ZNF423: variants seen among roughly 807,000 people sequenced by gnomAD.
ZNF423 encodes the protein Ebf-associated zinc finger protein.
ZNF423 carries 12 observed loss-of-function variants against 95.8 expected under a neutral mutation model. That is an observed-to-expected ratio of 0.13 (90% CI 0.08 to 0.20). ZNF423 has a LOEUF of 0.20. ZNF423 is among the 10% of genes least tolerant of loss of function. ZNF423 has a pLI of 1.00. For synonymous variants in ZNF423, 749 were observed against 711.9 expected (o/e 1.05, Z -0.83); for missense variants, 1,316 against 1,737.1 (o/e 0.76, Z 4.31).
chr16:49,722,255 C>T (rs996154510), intron 3 of ZNF423, among the ~76,000 whole-genome samples: 11 of 152,256 alleles, frequency 7.2e-5, no homozygotes, highest in East Asian at 1.9e-4. Flanking sequence ...CCAGGCTGGC[C>T]GGTGGTCCAC....
Position 49,703,566 on chromosome 16 carries a change from C to T in ZNF423, c.301+27205G>A, listed in dbSNP as rs560256213. On this transcript the variant is annotated intron_variant, in intron 3 of 7. Transcript: ENST00000563137. ...AAATTACATTTCAATGGACAAATGG[C>T]TCTTCCTAGAGAAGGGTGCAAGATT... Among the ~76,000 whole-genome samples the T allele has an allele frequency of 3.3e-5, 5 of 152,374 alleles. No homozygotes were observed. In the South Asian group the frequency reaches 1.0e-3, roughly 32 times the overall value.
At chr16:49,857,679 T>A (rs2035385823), upstream of ZNF423, 1 of 152,262 alleles carries the variant, frequency 6.6e-6, no homozygotes, top group Admixed American at 6.5e-5. The surrounding 1 kb of genome is among the most constrained non-coding windows in gnomAD (Gnocchi z 6.2). Flanking sequence ...TACACCCTTA[T>A]TTGTAGAATT....
At chr16:49,833,457 C>A (rs1301816881) in intron 1 of ZNF423, among the ~76,000 whole-genome samples, 1 of 152,190 alleles carries the variant, frequency 6.6e-6, no homozygotes, top group Non-Finnish European at 1.5e-5. Context: ...AATTCACTTG[C>A]CAATGTTTAT....
chr16:49,695,443 G>A (rs748954391), intron 3 of ZNF423, among the ~76,000 whole-genome samples: 20 of 152,206 alleles, frequency 1.3e-4, no homozygotes, highest in Non-Finnish European at 2.6e-4. Context: ...ATAGGCATGC[G>A]CCACCAAGCC....
chr16:49,658,124 A>G (rs1432281993), intron 3 of ZNF423, among the ~76,000 whole-genome samples: 3 of 152,194 alleles, frequency 2.0e-5, no homozygotes, highest in Non-Finnish European at 4.4e-5. Context: ...TGCATGAACC[A>G]CCAGAAACTG....
chr16:49,581,172 T>A (rs1970662994), intron 5 of ZNF423, among the ~76,000 whole-genome samples: 1 of 152,162 alleles, frequency 6.6e-6, no homozygotes, highest in Non-Finnish European at 1.5e-5. Context: ...GTGGGCTTAC[T>A]CATTACTCTA....
chr16:49,500,624 A>C (rs915786797), intron 7 of ZNF423, among the ~76,000 whole-genome samples: 1 of 152,146 alleles, frequency 6.6e-6, no homozygotes, highest in East Asian at 1.9e-4. Context: ...CTCCATAAAA[A>C]ATGGCACTGG....
intron 5 of ZNF423, among the ~76,000 whole-genome samples, chr16:49,617,235 C>T (rs1013474503): frequency 4.6e-5 from 7 of 152,160 alleles, no homozygotes; most frequent in African/African-American, 1.7e-4. Flanking sequence ...TTTCTCCCCG[C>T]TGGGCCCCAA....
intron 2 of ZNF423, among the ~76,000 whole-genome samples, chr16:49,781,979 G>A (rs1174511852): frequency 1.3e-5 from 2 of 152,258 alleles, no homozygotes; most frequent in Non-Finnish European, 2.9e-5. Flanking sequence ...AGATGTGGAA[G>A]GAGGGCTGGG....
chr16:49,725,842 C>T (rs1246682787), intron 3 of ZNF423, among the ~76,000 whole-genome samples: 1 of 152,194 alleles, frequency 6.6e-6, no homozygotes, highest in Non-Finnish European at 1.5e-5. Context: ...AGCACGCACC[C>T]CATCTGCTTC....
chr16:49,502,002 A>G (rs1390989654), intron 7 of ZNF423, among the ~76,000 whole-genome samples: 2 of 152,190 alleles, frequency 1.3e-5, no homozygotes, highest in African/African-American at 4.8e-5. Flanking sequence ...CATGTAATTA[A>G]CCTGCACATG....
At chr16:49,689,328 C>T (rs922654089) in intron 3 of ZNF423, among the ~76,000 whole-genome samples, 8 of 150,694 alleles carry the variant, frequency 5.3e-5, no homozygotes, top group African/African-American at 2.0e-4. Context: ...CGTGGTGGTG[C>T]GTGCCTGTGG....
At chr16:49,495,208 G>A (rs1211490188) in intron 7 of ZNF423, among the ~76,000 whole-genome samples, 1 of 152,200 alleles carries the variant, frequency 6.6e-6, no homozygotes, top group Non-Finnish European at 1.5e-5. Flanking sequence ...GCAATGGTTT[G>A]CAGCCTCAAT....
At chr16:49,624,764 G>T (rs906753753) in intron 5 of ZNF423, among the ~76,000 whole-genome samples, 1 of 152,200 alleles carries the variant, frequency 6.6e-6, no homozygotes, top group African/African-American at 2.4e-5. Context: ...TAGAAACTGT[G>T]ATTCCATTTC....
intron 3 of ZNF423, among the ~76,000 whole-genome samples, chr16:49,692,519 T>G (rs980620020): frequency 2.6e-5 from 4 of 152,154 alleles, no homozygotes; most frequent in Admixed American, 2.6e-4. Flanking sequence ...CCTTAACCCA[T>G]GCCTGACCCC....
intron 7 of ZNF423, among the ~76,000 whole-genome samples, chr16:49,500,001 C>T (rs772673996): frequency 6.6e-6 from 1 of 152,094 alleles, no homozygotes; most frequent in Admixed American, 6.5e-5. Context: ...AAATGGGCCC[C>T]GTCAGTCTGT....
rs1971431932 is a variant in ZNF423, at chr16:49,603,205, C to A, written c.3601+22965G>T. Among the ~76,000 whole-genome samples the A allele has an allele frequency of 6.6e-6, 1 of 152,144 alleles. No homozygotes were observed. Among genetic ancestry groups the A allele is most frequent in the South Asian group, 2.1e-4 (1 of 4,826 alleles). ...TCTCTGGCAGGGCCGCCAGGGACCA[C>A]AATGTAAATGGTGTCCCCTAGAGTT... On this transcript the variant is annotated intron_variant, in intron 5 of 7. Coordinates refer to ENST00000563137, the MANE Select transcript of ZNF423 (RefSeq NM_001379286.1). This position sits in a 1 kb window ranked among gnomAD's most constrained non-coding sequence, Gnocchi z 4.1.
At chr16:49,602,788 A>G (rs942842686) in intron 5 of ZNF423, among the ~76,000 whole-genome samples, 2 of 152,124 alleles carry the variant, frequency 1.3e-5, no homozygotes, top group Non-Finnish European at 2.9e-5. Flanking sequence ...GGGCTCCGCA[A>G]AAGTCTCCAA....
chr16:49,634,758 T>G (rs1348845469), intron 4 of ZNF423, among the ~76,000 whole-genome samples: 21 of 152,302 alleles, frequency 1.4e-4, no homozygotes, highest in Non-Finnish European at 1.5e-5. Flanking sequence ...CTGTGCTGTC[T>G]GACACCCAAG....
Sources: gnomAD v4.1 joint callset for allele counts (sites outside exome capture counted in the v4.1 genomes callset) on GRCh38, gnomAD v4.1.1 for gene constraint, Gnocchi (gnomAD v3.1) non-coding constraint, MANE v1.5 for transcripts, NCBI Gene and HGNC (gene_info 2026-07-23, HGNC 2026-07-21) for gene names.